EPHA5: variants seen among roughly 807,000 people sequenced by gnomAD.
EPHA5 encodes the protein EPH receptor A5, also known as ephrin type-A receptor 5.
Under a neutral mutation model 105.0 loss-of-function variants are expected in EPHA5, and 60 were observed. That is an observed-to-expected ratio of 0.57 (90% CI 0.46 to 0.71). The LOEUF is 0.71. EPHA5 is among the 30% of genes least tolerant of loss of function. The pLI, the probability that EPHA5 is intolerant of heterozygous loss-of-function variation, is 0.00. For synonymous variants in EPHA5, 513 were observed against 449.1 expected, an observed-to-expected ratio of 1.14 and a Z score of -1.80; for missense variants, 1,218 against 1,274.7, an observed-to-expected ratio of 0.96 and a Z score of 0.68.
chr4:65,633,204 T>C (rs1746807231), intron 2 of EPHA5, among the ~76,000 whole-genome samples: 1 of 151,892 alleles, frequency 6.6e-6, no homozygotes, highest in African/African-American at 2.4e-5. Flanking sequence ...CTGCCTTTAA[T>C]GGAAATAATC....
At position 65,500,795 on chromosome 4, in the gene EPHA5, A is replaced by G. The variant is rs114144942; in HGVS notation, c.911-5252T>C. On this transcript the variant is annotated intron_variant, in intron 3 of 16. Coordinates refer to ENST00000613740, the MANE Select transcript of EPHA5 (RefSeq NM_001281766.3). ...AAATACTATACTTCTTTCCATTACA[A>G]TTAAAATATACAGCCATATATGTGT... Among the ~76,000 whole-genome samples, 1,283 of 138,212 alleles carry G rather than the reference A, an allele frequency of 9.3e-3. 16 individuals carry two copies. Among genetic ancestry groups the G allele is most frequent in the African/African-American group, 0.032 (1,206 of 37,774 alleles). The allele number at this position is 138,212 out of a possible 152,430, so 90.7% of individuals were successfully genotyped here. A position where few individuals can be genotyped will look rare whatever the true frequency, so the allele number is the denominator to read the frequency against.
At chr4:65,402,815 GT>G (rs1368407638) in intron 8 of EPHA5, among the ~76,000 whole-genome samples, 1 of 152,108 alleles carries the variant, frequency 6.6e-6, no homozygotes. Context: ...AGTTTTCCTA[GT>G]AGTTACAGTT....
Position 65,408,740 on chromosome 4 carries a change from G to T in EPHA5, c.1688-4261C>A, listed in dbSNP as rs1306844781. On this transcript the variant is annotated intron_variant, in intron 7 of 16. Coordinates refer to ENST00000613740, the MANE Select transcript of EPHA5 (RefSeq NM_001281766.3). ...AATAGGAACACTTTTACACTGTTGG[G>T]GGGACTGTAAACTAGTTCAACCATT... 1.1e-3 allele frequency among the ~76,000 whole-genome samples: 172 copies of T among 151,854 alleles called. 1 individual carries two copies. Among genetic ancestry groups the T allele is most frequent in the Middle Eastern group, 6.8e-3 (2 of 292 alleles).
At chr4:65,424,411 C>A (rs925198494) in intron 5 of EPHA5, among the ~76,000 whole-genome samples, 6 of 152,010 alleles carry the variant, frequency 3.9e-5, no homozygotes, top group Non-Finnish European at 8.8e-5. Flanking sequence ...CTATGTAATT[C>A]TGTTAGTTAG....
chr4:65,667,723 A>T (rs555686275), intron 1 of EPHA5, among the ~76,000 whole-genome samples: 1 of 152,244 alleles, frequency 6.6e-6, no homozygotes, highest in Admixed American at 6.5e-5. Flanking sequence ...TCTCCCTGAG[A>T]ATTGAATTCT....
At chr4:65,660,982 A>C (rs1749510805) in intron 1 of EPHA5, among the ~76,000 whole-genome samples, 1 of 152,138 alleles carries the variant, frequency 6.6e-6, no homozygotes, top group African/African-American at 2.4e-5. Flanking sequence ...GCATTTATTC[A>C]GTTATATTCC....
At chr4:65,493,192 C>T (rs1051459934) in intron 4 of EPHA5, among the ~76,000 whole-genome samples, 5 of 151,940 alleles carry the variant, frequency 3.3e-5, no homozygotes, top group Admixed American at 2.6e-4. Flanking sequence ...AGTGGAAGCT[C>T]GAACTAACAC....
chr4:65,632,063 C>T (rs751432921), intron 2 of EPHA5, among the ~76,000 whole-genome samples: 8 of 151,894 alleles, frequency 5.3e-5, no homozygotes, highest in Non-Finnish European at 8.8e-5. Flanking sequence ...TCATTGTAAT[C>T]CTTATAACAA....
chr4:65,401,963 G>A (rs187508198), intron 8 of EPHA5, among the ~76,000 whole-genome samples: 1 of 152,112 alleles, frequency 6.6e-6, no homozygotes, highest in East Asian at 1.9e-4. Flanking sequence ...GTTAGGCTTT[G>A]TGTCCCCACC....
intron 1 of EPHA5, among the ~76,000 whole-genome samples, chr4:65,653,977 T>A (rs1200961758): frequency 6.6e-6 from 1 of 152,052 alleles, no homozygotes; most frequent in Non-Finnish European, 1.5e-5. Flanking sequence ...GTTACATAGG[T>A]CTGGCAATGA....
intron 3 of EPHA5, among the ~76,000 whole-genome samples, chr4:65,574,627 C>CATATATATATATAT (rs1740626806): frequency 2.3e-5 from 2 of 85,262 alleles, no homozygotes; most frequent in Non-Finnish European, 5.6e-5. Context: ...TATATATATA[C>CATATATATATATAT]ACATATATAT....
At chr4:65,568,031 A>C (rs190173778) in intron 3 of EPHA5, among the ~76,000 whole-genome samples, 1 of 151,656 alleles carries the variant, frequency 6.6e-6, no homozygotes, top group Non-Finnish European at 1.5e-5. Context: ...GAAATTGAAA[A>C]AGTGTTTCAT....
At chr4:65,441,075 A>C (rs1725964872) in intron 5 of EPHA5, among the ~76,000 whole-genome samples, 1 of 152,172 alleles carries the variant, frequency 6.6e-6, no homozygotes, top group African/African-American at 2.4e-5. Context: ...CATAATAGAC[A>C]AAAGGTTAAC....
intron 14 of EPHA5, among the ~76,000 whole-genome samples, chr4:65,346,409 T>C (rs1189626878): frequency 6.6e-6 from 1 of 152,020 alleles, no homozygotes; most frequent in African/African-American, 2.4e-5. Context: ...ATTTTTCCTG[T>C]TTTTAAAGAA....
chr4:65,404,240 A>T, intron 8 of EPHA5, 134 bp downstream of exon 8: 1 of 646,010 alleles, frequency 1.5e-6, no homozygotes, highest in Non-Finnish European at 2.7e-6. Context: ...CAGGAATTGC[A>T]TCATGTATTG....
chr4:65,325,225 G>A (rs1471905320), intron 16 of EPHA5, among the ~76,000 whole-genome samples: 1 of 151,284 alleles, frequency 6.6e-6, no homozygotes, highest in Non-Finnish European at 1.5e-5. Flanking sequence ...TTTTCTTAGA[G>A]TTCTATTGAA....
At chr4:65,647,614 T>C (rs1748237331) in intron 1 of EPHA5, among the ~76,000 whole-genome samples, 1 of 152,120 alleles carries the variant, frequency 6.6e-6, no homozygotes, top group Non-Finnish European at 1.5e-5. Flanking sequence ...TTAGAGGAAA[T>C]GTTTGATGCC....
intron 11 of EPHA5, 113 bp from the exon 12 acceptor site, chr4:65,353,216 T>TA: frequency 4.9e-6 from 1 of 203,030 alleles, no homozygotes; most frequent in Non-Finnish European, 1.0e-5. Context: ...TATATATATA[T>TA]TTAAAATATT....
At chr4:65,383,283 T>TAAA (rs1447289686) in intron 8 of EPHA5, among the ~76,000 whole-genome samples, 2 of 149,948 alleles carry the variant, frequency 1.3e-5, no homozygotes, top group African/African-American at 2.5e-5. Context: ...TTAAGAAAAT[T>TAAA]AAAGTCAGAT....
Sources: gnomAD v4.1 joint callset for allele counts (sites outside exome capture counted in the v4.1 genomes callset) on GRCh38, gnomAD v4.1.1 for gene constraint, MANE v1.5 for transcripts, NCBI Gene and HGNC (gene_info 2026-07-23, HGNC 2026-07-21) for gene names.